The following NOD1 variants were observed in gnomAD, a reference collection of about 807,000 sequenced individuals.
The protein encoded by NOD1 is nucleotide binding oligomerization domain containing 1, also known as nucleotide-binding oligomerization domain-containing protein 1.
In NOD1, 70 loss-of-function variants were observed where a neutral mutation model predicts 81.2. That is an observed-to-expected ratio of 0.86 (90% CI 0.71 to 1.05). The LOEUF is 1.05. Among genes scored for constraint, NOD1 ranks in the 50% least tolerant of loss-of-function variants. The probability of loss-of-function intolerance (pLI) is 0.00; values close to 1 mark genes in which losing one functional copy is unlikely to be tolerated. For missense variants in NOD1, 1,233 were observed against 1,228.0 expected, an observed-to-expected ratio of 1.00 and a Z score of -0.06; for synonymous variants, 508 against 526.9, an observed-to-expected ratio of 0.96 and a Z score of 0.49.
In NOD1 at chr7:30,446,355, G is replaced by A. The variant is rs5743357; in HGVS notation, c.2370-131C>T. The stretch of plus-strand genomic sequence containing the variant: ...GTACACTTTCTTCTGGGATCCACAA[G>A]AGCCATGGCCTGGGCCTCCTGTCAG... On this transcript the variant is annotated intron_variant, in intron 8 of 13. Transcript: ENST00000222823. 1.6e-3 allele frequency: 1,146 copies of A among 738,306 alleles called. 24 individuals are homozygous for A. The Admixed American group carries it at 0.022, about 14-fold the overall frequency. The allele number at this position is 738,306 out of a possible 1,614,324, so 45.7% of individuals were successfully genotyped here.
rs989429656 is a variant in NOD1, at chr7:30,425,524, C to G, written c.*114G>C. On this transcript the variant is annotated 3_prime_UTR_variant, in exon 14 of 14. Coordinates refer to ENST00000222823, the MANE Select transcript of NOD1 (RefSeq NM_006092.4). ...CTTGCATCATGGAGGCAGTGGACTC[C>G]TGATAGTCCCGCCTGCGCAGGCCCC... The G allele has an allele frequency of 8.9e-6, 7 of 782,606 alleles. No homozygotes were observed. The highest frequency in any genetic ancestry group is 1.4e-5 in the Non-Finnish European group (6 of 440,846). The allele number at this position is 782,606 out of a possible 1,614,324, so 48.5% of individuals were successfully genotyped here. A position where few individuals can be genotyped will look rare whatever the true frequency, so the allele number is the denominator to read the frequency against.
Position 30,456,859 on chromosome 7 carries a change from T to C in NOD1, c.63A>G (p.Gln21=), listed in dbSNP as rs748741782. Residue 21 remains glutamine, a synonymous_variant, in exon 4 of 14, where the codon CAA becomes CAG. Transcript: ENST00000222823. ...IIPSESHPHI[Q]LLKSNRELLV... ...GAAGTTCCCGATTGCTTTTCAGTAATTGAATGTGGGGGTGAGACTCTGATG... is the reference window on the plus strand; with the variant it reads ...GAAGTTCCCGATTGCTTTTCAGTAACTGAATGTGGGGGTGAGACTCTGATG... The C allele has an allele frequency of 7.4e-6, 12 of 1,614,068 alleles. No homozygotes were observed. In the East Asian group the frequency reaches 8.9e-5, roughly 12 times the overall value.
Position 30,425,661 on chromosome 7 carries a change from C to T in NOD1, c.2839G>A (p.Glu947Lys). Reference sequence around the variant, plus strand: ...TCTCAGAAACAGATAATCCGCTTCTCATCTTCATAGACTTTGGCCTCCTCT... The same window carrying T: ...TCTCAGAAACAGATAATCCGCTTCTTATCTTCATAGACTTTGGCCTCCTCT... ...KPEEAKVYEDEKRIICF is the reference protein window; with the variant it reads ...KPEEAKVYEDKKRIICF The change falls in exon 14 of 14, where the codon GAG becomes AAG. Residue 947 changes from glutamate to lysine, a missense_variant. By Grantham distance (56) the Glu-to-Lys change is moderately conservative (BLOSUM62 1). Transcript: ENST00000222823. The T allele has an allele frequency of 1.2e-6, 2 of 1,613,882 alleles. No individual in the cohort carries two copies. The highest frequency in any genetic ancestry group is 1.3e-5 in the African/African-American group (1 of 75,016).
chr7:30,433,124 T>C lies in NOD1; in HGVS notation c.2677A>G (p.Lys893Glu), dbSNP rs1784083600. 1 of 1,614,058 alleles carries C rather than the reference T, an allele frequency of 6.2e-7. No homozygotes were observed. Among genetic ancestry groups the C allele is most frequent in the Non-Finnish European group, 8.5e-7 (1 of 1,179,882 alleles). ...AAATGCTTTAACGTCTGGTTGACTT[T>C]CAACATTTCTGCCAAACTCTCTGCC... Reference protein sequence around the residue: ...EVAESLAEMLKVNQTLKHLWL... With the variant: ...EVAESLAEMLEVNQTLKHLWL... Residue 893 changes from lysine to glutamate, a missense_variant, in exon 12 of 14, where the codon AAA becomes GAA. Coordinates refer to ENST00000222823, the MANE Select transcript of NOD1 (RefSeq NM_006092.4).
intron 11 of NOD1, chr7:30,433,471 G>C (rs1224611059): frequency 2.5e-6 from 1 of 407,284 alleles, no homozygotes; most frequent in Non-Finnish European, 4.3e-6. Context: ...TTTCATGGAA[G>C]ATGGGGGCCC....
intron 1 of NOD1, among the ~76,000 whole-genome samples, chr7:30,471,300 T>C (rs1055159385): frequency 6.6e-6 from 1 of 152,262 alleles, no homozygotes; most frequent in Admixed American, 6.5e-5. Context: ...CCAGGACTGC[T>C]CTCTTCCCTC....
At chr7:30,455,666 A>G (rs1029154958) in intron 4 of NOD1, among the ~76,000 whole-genome samples, 9 of 151,592 alleles carry the variant, frequency 5.9e-5, no homozygotes, top group African/African-American at 1.9e-4. Flanking sequence ...CAATGGCACA[A>G]TCTTGGCTCA....
chr7:30,426,536 G>A (rs1235144703), intron 13 of NOD1, among the ~76,000 whole-genome samples: 1 of 151,936 alleles, frequency 6.6e-6, no homozygotes. Context: ...CACGTACTCT[G>A]GCCTTCTCCA....
chr7:30,439,273 C>T (rs1204645695), intron 9 of NOD1, among the ~76,000 whole-genome samples: 1 of 150,870 alleles, frequency 6.6e-6, no homozygotes, highest in Non-Finnish European at 1.5e-5. Context: ...CGAATAGGAA[C>T]AGCTCCGGTC....
At chr7:30,470,787 G>A (rs186233694) in intron 1 of NOD1, among the ~76,000 whole-genome samples, 41 of 152,256 alleles carry the variant, frequency 2.7e-4, no homozygotes, top group African/African-American at 8.9e-4. Context: ...AGGGGCCAGT[G>A]AATAAAAATA....
intron 7 of NOD1, 131 bp downstream of exon 7, chr7:30,448,167 C>A (rs1014836367): frequency 1.3e-6 from 1 of 741,712 alleles, no homozygotes; most frequent in African/African-American, 1.8e-5. Flanking sequence ...GGACTCTCAA[C>A]TCCTGGGCCA....
At chr7:30,460,641 C>T (rs1055019926) in intron 1 of NOD1, 19 of 985,264 alleles carry the variant, frequency 1.9e-5, no homozygotes, top group Non-Finnish European at 2.0e-5. Flanking sequence ...CAGAGGAGAT[C>T]GGAGGAGGGT....
intron 12 of NOD1, among the ~76,000 whole-genome samples, chr7:30,432,604 G>C (rs1296166877): frequency 1.3e-5 from 2 of 152,168 alleles, no homozygotes; most frequent in Non-Finnish European, 2.9e-5. Context: ...TCCCAAAAGA[G>C]ATGAAAACAT....
chr7:30,434,266 T>C (rs1478022674), intron 11 of NOD1, among the ~76,000 whole-genome samples: 1 of 152,186 alleles, frequency 6.6e-6, no homozygotes, highest in Non-Finnish European at 1.5e-5. Flanking sequence ...GGAAAAAGTG[T>C]AGAATAACAC....
chr7:30,436,492 T>C (rs543039977), intron 10 of NOD1, among the ~76,000 whole-genome samples: 1 of 152,264 alleles, frequency 6.6e-6, no homozygotes, highest in African/African-American at 2.4e-5. Context: ...TTTTCAGTGG[T>C]AGGAAGAACA....
intron 1 of NOD1, among the ~76,000 whole-genome samples, chr7:30,461,231 G>A (rs1787030312): frequency 6.6e-6 from 1 of 152,164 alleles, no homozygotes; most frequent in Non-Finnish European, 1.5e-5. Flanking sequence ...AGGCTGGAGT[G>A]CGGTGGCGCA....
chr7:30,437,672 A>G lies in NOD1; in HGVS notation c.2454-16T>C, dbSNP rs1416082450. The G allele has an allele frequency of 3.3e-6, 5 of 1,502,464 alleles. No homozygotes were observed. The allele number at this position is 1,502,464 out of a possible 1,614,324, so 93.1% of individuals were successfully genotyped here. On this transcript the variant is annotated splice_polypyrimidine_tract_variant and intron_variant, in intron 9 of 13. Transcript: ENST00000222823. ...GCCCCACATCCTGAGGGAGGAGACA[A>G]GATAGTGAATGTTAGCTCCCCAAGA...
chr7:30,461,155 A>G (rs1272822734), intron 1 of NOD1, among the ~76,000 whole-genome samples: 2 of 152,226 alleles, frequency 1.3e-5, no homozygotes, highest in Non-Finnish European at 2.9e-5. Context: ...ATATTTCAGT[A>G]TGTCATCCAT....
At chr7:30,457,512 T>G (rs1323568657) in intron 3 of NOD1, among the ~76,000 whole-genome samples, 1 of 152,204 alleles carries the variant, frequency 6.6e-6, no homozygotes, top group African/African-American at 2.4e-5. Context: ...TGTTTGCACT[T>G]GAGGGTTACA....
Sources: gnomAD v4.1 joint callset for allele counts (sites outside exome capture counted in the v4.1 genomes callset) on GRCh38, gnomAD v4.1.1 for gene constraint, MANE v1.5 for transcripts, NCBI Gene and HGNC (gene_info 2026-07-23, HGNC 2026-07-21) for gene names.